SLC6A12: variants seen among roughly 807,000 people sequenced by gnomAD.
The protein encoded by SLC6A12 is sodium- and chloride-dependent betaine transporter.
SLC6A12 carries 50 observed loss-of-function variants against 73.3 expected under a neutral mutation model. That is an observed-to-expected ratio of 0.68 (90% confidence interval 0.54 to 0.86). The LOEUF (loss-of-function observed/expected upper bound fraction) is 0.86. SLC6A12 is among the 40% of genes least tolerant of loss of function. The pLI is 0.00. For missense variants in SLC6A12, 648 were observed against 772.8 expected, an observed-to-expected ratio of 0.84 and a Z score of 1.92; for synonymous variants, 304 against 309.2, an observed-to-expected ratio of 0.98 and a Z score of 0.18.
chr12:212,340 G>A (rs1395834346), intron 1 of SLC6A12, among the ~76,000 whole-genome samples: 1 of 152,184 alleles, frequency 6.6e-6, no homozygotes, highest in African/African-American at 2.4e-5. Context: ...TCAAGGGCTG[G>A]GAGAGTGGAG....
chr12:201,825 T>A lies in SLC6A12; in HGVS notation c.515A>T (p.His172Leu), dbSNP rs1214912708. The change falls in exon 6 of 16, where the codon CAC becomes CTC. Residue 172 changes from histidine (H) to leucine (L), a missense_variant. His to Leu is a moderately conservative substitution (Grantham distance 99). Coordinates refer to ENST00000684302, the MANE Select transcript of SLC6A12 (RefSeq NM_001122848.3). ...NTEHCTDFLN[H>L]SGAGTVTPFE... is the part of the protein sequence containing the mutation. Reference sequence around the variant, plus strand: ...TGGGGTCACTGTGCCGGCTCCTGAGTGGTTCAGAAAGTCCGTGCAATGCTC... The same window carrying A: ...TGGGGTCACTGTGCCGGCTCCTGAGAGGTTCAGAAAGTCCGTGCAATGCTC... The A allele has an allele frequency of 6.2e-7, 1 of 1,613,794 alleles. No homozygotes were observed. Among genetic ancestry groups the A allele is most frequent in the Non-Finnish European group, 8.5e-7 (1 of 1,179,954 alleles).
intron 2 of SLC6A12, 41 bp from the exon 3 acceptor site, chr12:210,084 C>T: frequency 6.6e-7 from 1 of 1,505,620 alleles, no homozygotes; most frequent in Non-Finnish European, 8.9e-7. Context: ...ACCCGACATG[C>T]TCCCGCCAGC....
downstream of SLC6A12, among the ~76,000 whole-genome samples, chr12:186,700 G>C (rs1212877207): frequency 6.6e-6 from 1 of 152,246 alleles, no homozygotes; most frequent in African/African-American, 2.4e-5. Flanking sequence ...TTAAGCTTTG[G>C]TGTACTCTGC....
chr12:197,090 C>CATCTATCCATCTATCCATCCATCT (rs1565468864), intron 10 of SLC6A12, among the ~76,000 whole-genome samples: 1 of 17,866 alleles, frequency 5.6e-5, no homozygotes, highest in African/African-American at 2.0e-4. Context: ...TCCATCCATC[C>CATCTATCCATCTATCCATCCATCT]ATCCATCCAT....
Position 195,432 on chromosome 12 carries a change from C to A in SLC6A12, c.1327-105G>T, listed in dbSNP as rs1399558675. 5 of 741,668 alleles carry A rather than the reference C, an allele frequency of 6.7e-6. No individual in the cohort carries two copies. In the African/African-American group the frequency reaches 8.6e-5, roughly 13 times the overall value. The allele number at this position is 741,668 out of a possible 1,614,324, so 45.9% of individuals were successfully genotyped here. On this transcript the variant is annotated intron_variant, in intron 12 of 15. Transcript: ENST00000684302. ...CCACGTGGGGTGCACTCCTGCCCGG[C>A]CTGTGGGATGCCATTCCTTGCATCT...
chr12:186,612 G>A (rs369239786), downstream of SLC6A12, among the ~76,000 whole-genome samples: 16 of 152,334 alleles, frequency 1.1e-4, no homozygotes, highest in East Asian at 2.9e-3. Flanking sequence ...CTTGCAGCAA[G>A]CTGCTGCTGT....
intron 7 of SLC6A12, among the ~76,000 whole-genome samples, chr12:200,400 A>T (rs143649491): frequency 2.0e-5 from 3 of 148,144 alleles, no homozygotes; most frequent in African/African-American, 2.4e-5. Flanking sequence ...GAGCCACTGC[A>T]CCCGGCAGCC....
At chr12:188,070 A>G (rs1024363553), downstream of SLC6A12, among the ~76,000 whole-genome samples, 11 of 152,160 alleles carry the variant, frequency 7.2e-5, no homozygotes, top group Admixed American at 3.3e-4. Context: ...TGGATCCCTC[A>G]CTGGGGCCAC....
intron 3 of SLC6A12, among the ~76,000 whole-genome samples, chr12:208,234 C>T (rs529554081): frequency 6.6e-6 from 1 of 152,278 alleles, no homozygotes; most frequent in Non-Finnish European, 1.5e-5. Context: ...AGGAAACCAC[C>T]ACCCTGCCCC....
chr12:184,471 A>G, the SLC6A12 span, among the ~76,000 whole-genome samples: 8 of 152,196 alleles, frequency 5.3e-5, no homozygotes, highest in African/African-American at 1.9e-4. Flanking sequence ...CTAAAAACAC[A>G]AAAATTCGGT....
rs573598552 is a variant in SLC6A12 at position 214,021 on chromosome 12, G to A, written c.-242C>T. The A allele has an allele frequency of 1.8e-4, 27 of 152,472 alleles. No homozygotes were observed. The highest frequency in any genetic ancestry group is 3.4e-3 in the Middle Eastern group (1 of 296). The allele number at this position is 152,472 out of a possible 1,614,324, so 9.4% of individuals were successfully genotyped here. A position where few individuals can be genotyped will look rare whatever the true frequency, so the allele number is the denominator to read the frequency against. On this transcript the variant is annotated 5_prime_UTR_variant, in exon 1 of 16. Coordinates refer to ENST00000684302, the MANE Select transcript of SLC6A12 (RefSeq NM_001122848.3). The surrounding 1 kb of genome is among the most constrained non-coding windows in gnomAD (Gnocchi z 4.2). Reference sequence around the variant, plus strand: ...TGCTTATGGGAAAGCCAAGAGAGCCGGGACCTGAAAGGGAAACTGCCCTCC... The same window carrying A: ...TGCTTATGGGAAAGCCAAGAGAGCCAGGACCTGAAAGGGAAACTGCCCTCC...
chr12:186,373 C>T (rs1478111296), downstream of SLC6A12, among the ~76,000 whole-genome samples: 5 of 152,176 alleles, frequency 3.3e-5, no homozygotes, highest in Admixed American at 3.3e-4. Context: ...CAATTGGATC[C>T]AAGGATAGGT....
rs142073659 is a variant in SLC6A12 at position 196,845 on chromosome 12, C to T, written c.1113G>A (p.Val371=). Residue 371 remains valine, a synonymous_variant, in exon 11 of 16, where the codon GTG becomes GTA. Transcript: ENST00000684302. The part of the protein sequence containing the change: ...GLAFIAFPKA[V]TMMPLSQLWS... ...ACAGCTGGGATAAGGGCATCATAGT[C>T]ACAGCCTTGGGGAAGGCGATGAAGG... 627 of 1,613,838 alleles carry T rather than the reference C, an allele frequency of 3.9e-4. 4 individuals carry two copies. Among genetic ancestry groups the T allele is most frequent in the Non-Finnish European group, 9.7e-5 (115 of 1,179,936 alleles).
chr12:192,167 C>T (rs376366862), intron 15 of SLC6A12, among the ~76,000 whole-genome samples: 1 of 152,172 alleles, frequency 6.6e-6, no homozygotes, highest in Non-Finnish European at 1.5e-5. Flanking sequence ...TGTGTCTGGG[C>T]ACCTTCCTGT....
downstream of SLC6A12, among the ~76,000 whole-genome samples, chr12:188,412 GCCCGCAAGCGCCGCGCGCAGC>G (rs1051826189): frequency 6.6e-6 from 1 of 152,084 alleles, no homozygotes; most frequent in African/African-American, 2.4e-5. Context: ...ACTCGCGCTG[GCCCGCAAGCGCCGCGCGCAGC>G]CCCGCTTCCC....
chr12:197,621 A>C, intron 9 of SLC6A12, 120 bp from the exon 10 acceptor site: 1 of 1,009,600 alleles, frequency 9.9e-7, no homozygotes, highest in Non-Finnish European at 1.4e-6. Context: ...GAGAAGGGGG[A>C]GGCAAGGGAG....
rs201383567 is a variant in SLC6A12 at position 191,130 on chromosome 12, T to G, written c.1783A>C (p.Asn595His). The G allele has an allele frequency of 5.9e-5, 80 of 1,350,232 alleles. No homozygotes were observed. The highest frequency in any genetic ancestry group is 7.3e-5 in the Non-Finnish European group (76 of 1,037,614). The allele number at this position is 1,350,232 out of a possible 1,614,324, so 83.6% of individuals were successfully genotyped here. Residue 595 changes from asparagine (N) to histidine (H), a missense_variant, in exon 16 of 16, where the codon AAC becomes CAC. Asn to His is a moderately conservative substitution (Grantham distance 68). Transcript: ENST00000684302. ...TCCCTTGTTGGGGAGGGCCCAAAGT[T>G]CCGGCCAGCACTGCCATCCAAGCAG... ...HPCLDGSAGRNFGPSPTREGL... is the reference protein window; with the variant it reads ...HPCLDGSAGRHFGPSPTREGL...
At chr12:187,850 A>G (rs1215730653), downstream of SLC6A12, among the ~76,000 whole-genome samples, 2 of 152,076 alleles carry the variant, frequency 1.3e-5, no homozygotes, top group African/African-American at 2.4e-5. Flanking sequence ...CTAGACACAA[A>G]GGTTCTCCAA....
chr12:203,474 G>C (rs922202742), intron 4 of SLC6A12: 1 of 152,186 alleles, frequency 6.6e-6, no homozygotes. Flanking sequence ...TCTCCACCGC[G>C]CAGCGGCGTT....
Sources: allele counts gnomAD v4.1 joint callset (sites outside exome capture counted in the v4.1 genomes callset), GRCh38; gene constraint gnomAD v4.1.1; non-coding constraint Gnocchi (gnomAD v3.1); transcripts MANE v1.5; gene names NCBI Gene and HGNC (gene_info 2026-07-23, HGNC 2026-07-21).